Variants in CLYBL observed in about 807,000 individuals in gnomAD.
CLYBL encodes the protein citramalyl-CoA lyase, also known as citramalyl-CoA lyase, mitochondrial.
CLYBL carries 31 observed loss-of-function variants against 38.9 expected under a neutral mutation model. The ratio of observed to expected loss-of-function variants is 0.80; its 90% CI spans 0.60 to 1.08. The LOEUF (loss-of-function observed/expected upper bound fraction) is 1.08, where lower values mean the gene tolerates loss of function less well. CLYBL is among the 50% of genes least tolerant of loss of function. The pLI is 0.00. For synonymous variants in CLYBL, 171 were observed against 158.6 expected, an observed-to-expected ratio of 1.08 and a Z score of -0.59; for missense variants, 434 against 411.6, an observed-to-expected ratio of 1.05 and a Z score of -0.47.
chr13:99,750,901 T>C (rs2048944431), intron 1 of CLYBL, among the ~76,000 whole-genome samples: 1 of 152,168 alleles, frequency 6.6e-6, no homozygotes, highest in Middle Eastern at 3.2e-3. Flanking sequence ...ATTTTAAAAA[T>C]ATTTGAATGG....
At chr13:99,722,193 G>A (rs1301123739) in intron 1 of CLYBL, among the ~76,000 whole-genome samples, 1 of 152,132 alleles carries the variant, frequency 6.6e-6, no homozygotes, top group Admixed American at 6.6e-5. Context: ...TTCTTAAGGG[G>A]TCTGGTTTGG....
rs2052441005 is a variant in CLYBL, at chr13:99,889,765, T to C, written c.928-1553T>C. ...TTTTTCTTTACCTCCATCCTATGTA[T>C]AACCGTAAGTTACTACCTCTCAGCC... is the stretch of plus-strand genomic sequence containing the variant. On this transcript the variant is annotated intron_variant, in intron 7 of 8. Coordinates refer to ENST00000339105, the MANE Select transcript of CLYBL (RefSeq NM_206808.5). Among the ~76,000 whole-genome samples, 3 of 152,224 alleles carry C rather than the reference T, an allele frequency of 2.0e-5. No individual in the cohort carries two copies. The South Asian group carries it at 6.2e-4, about 32-fold the overall frequency.
chr13:99,752,549 ACAGCC>A (rs1485923428), intron 1 of CLYBL, among the ~76,000 whole-genome samples: 1 of 152,046 alleles, frequency 6.6e-6, no homozygotes, highest in Non-Finnish European at 1.5e-5. Flanking sequence ...TCCTAAGAAC[ACAGCC>A]CAGCCCAGGC....
intron 7 of CLYBL, among the ~76,000 whole-genome samples, chr13:99,875,705 G>C (rs2052020527): frequency 6.6e-6 from 1 of 152,120 alleles, no homozygotes; most frequent in Non-Finnish European, 1.5e-5. Context: ...TCCACTATTA[G>C]ACAACAGTGT....
At chr13:99,805,302 G>A (rs537141752) in intron 2 of CLYBL, among the ~76,000 whole-genome samples, 4 of 152,064 alleles carry the variant, frequency 2.6e-5, no homozygotes, top group Non-Finnish European at 5.9e-5. Context: ...TGGATCATCC[G>A]GTAGTTCTTT....
At chr13:99,873,930 A>G (rs568364702) in intron 7 of CLYBL, among the ~76,000 whole-genome samples, 1 of 152,306 alleles carries the variant, frequency 6.6e-6, no homozygotes, top group East Asian at 1.9e-4. Flanking sequence ...TGTCCTTGGT[A>G]TAATGTTGGT....
At chr13:99,730,900 T>C (rs1205997306) in intron 1 of CLYBL, among the ~76,000 whole-genome samples, 1 of 151,670 alleles carries the variant, frequency 6.6e-6, no homozygotes, top group African/African-American at 2.4e-5. Context: ...CTGGACAACA[T>C]GGTGAAACCC....
chr13:99,887,125 C>T (rs190761422), intron 7 of CLYBL, among the ~76,000 whole-genome samples: 4 of 152,318 alleles, frequency 2.6e-5, no homozygotes, highest in East Asian at 1.9e-4. Flanking sequence ...AGCTAAAACA[C>T]GGAAGTTCTC....
intron 1 of CLYBL, among the ~76,000 whole-genome samples, chr13:99,663,724 C>G (rs2047441378): frequency 6.6e-6 from 1 of 152,160 alleles, no homozygotes; most frequent in Non-Finnish European, 1.5e-5. Flanking sequence ...TGTGCGGAAG[C>G]CAGCTGGCAT....
chr13:99,897,413 T>C (rs1258838648), downstream of CLYBL, among the ~76,000 whole-genome samples: 1 of 152,188 alleles, frequency 6.6e-6, no homozygotes, highest in African/African-American at 2.4e-5. Flanking sequence ...TTTTCTCCCA[T>C]ACAAGCTCTT....
intron 1 of CLYBL, among the ~76,000 whole-genome samples, chr13:99,691,600 A>T (rs1017547277): frequency 6.9e-6 from 1 of 144,526 alleles, no homozygotes; most frequent in Admixed American, 6.9e-5. Flanking sequence ...AAAAAAACCA[A>T]AAAACAAAAA....
Position 99,865,004 on chromosome 13 carries a change from C to A in CLYBL, c.634+93C>A. 2 of 869,758 alleles carry A rather than the reference C, an allele frequency of 2.3e-6. No homozygotes were observed. Among genetic ancestry groups the A allele is most frequent in the South Asian group, 1.3e-5 (1 of 74,758 alleles). 53.9% of individuals were successfully genotyped at this position (869,758 alleles called of 1,614,324 possible). A position where few individuals can be genotyped will look rare whatever the true frequency, so the allele number is the denominator to read the frequency against. On this transcript the variant is annotated intron_variant, in intron 5 of 8. Transcript: ENST00000339105. This position sits in a 1 kb window ranked among gnomAD's most constrained non-coding sequence, Gnocchi z 4.7. ...TTTGCCCCTCAAGGATGGACATTTA[C>A]ATAACAATGTATATTTGCCAACCAT...
chr13:99,772,854 A>G lies in CLYBL; in HGVS notation c.93A>G (p.Arg31=). 1 of 1,609,268 alleles carries G rather than the reference A, an allele frequency of 6.2e-7. No individual in the cohort carries two copies. The highest frequency in any genetic ancestry group is 8.5e-7 in the Non-Finnish European group (1 of 1,179,040). The change falls in exon 2 of 9, where the codon AGA becomes AGG. Residue 31 remains arginine (R), a synonymous_variant. Coordinates refer to ENST00000339105, the MANE Select transcript of CLYBL (RefSeq NM_206808.5). ...LKASLAADIP[R]LGYSSSSHHK... ...CGTCTCTAGCAGCTGATATCCCCAGACTTGGATATAGTTCCTCATCCCATC... is the reference window on the plus strand; with the variant it reads ...CGTCTCTAGCAGCTGATATCCCCAGGCTTGGATATAGTTCCTCATCCCATC...
Position 99,620,403 on chromosome 13 carries a change from A to G in CLYBL, c.62+13646A>G, listed in dbSNP as rs1187358113. ...TCTAGGGCCCATCAGCCAGCAGTCC[A>G]GCAGGGATGACCAGTGAGCCCAAGA... On this transcript the variant is annotated intron_variant, in intron 1 of 8. Coordinates refer to ENST00000339105, the MANE Select transcript of CLYBL (RefSeq NM_206808.5). Among the ~76,000 whole-genome samples, 3 of 152,294 alleles carry G rather than the reference A, an allele frequency of 2.0e-5. No homozygotes were observed. In the East Asian group the frequency reaches 5.8e-4, roughly 29 times the overall value.
At chr13:99,824,257 G>GCCCCCCCCCCCC (rs57450534) in intron 2 of CLYBL, among the ~76,000 whole-genome samples, 162 of 130,460 alleles carry the variant, frequency 1.2e-3, no homozygotes, top group Non-Finnish European at 1.6e-3. Flanking sequence ...CTGACTAATA[G>GCCCCCCCCCCCC]CCCCCCCCAC....
intron 1 of CLYBL, among the ~76,000 whole-genome samples, chr13:99,673,932 GT>G (rs1268057811): frequency 6.6e-6 from 1 of 152,046 alleles, no homozygotes; most frequent in East Asian, 1.9e-4. Flanking sequence ...TGGGTTGAGT[GT>G]TTCTCAGTTG....
intron 1 of CLYBL, among the ~76,000 whole-genome samples, chr13:99,651,480 G>C (rs1455951474): frequency 6.6e-6 from 1 of 152,178 alleles, no homozygotes; most frequent in Non-Finnish European, 1.5e-5. Flanking sequence ...TGAGGTGGGA[G>C]AATCGCTTGA....
chr13:99,702,936 A>G (rs1223038514), intron 1 of CLYBL, among the ~76,000 whole-genome samples: 1 of 152,220 alleles, frequency 6.6e-6, no homozygotes, highest in Non-Finnish European at 1.5e-5. Flanking sequence ...AGTGGGTGAG[A>G]GGAATACTTT....
chr13:99,775,914 A>T (rs543824254), intron 2 of CLYBL, among the ~76,000 whole-genome samples: 1 of 152,240 alleles, frequency 6.6e-6, no homozygotes, highest in African/African-American at 2.4e-5. Context: ...CTGTAATCCC[A>T]GCACTTTGGG....
Sources: allele counts gnomAD v4.1 joint callset (sites outside exome capture counted in the v4.1 genomes callset), GRCh38; gene constraint gnomAD v4.1.1; non-coding constraint Gnocchi (gnomAD v3.1); transcripts MANE v1.5; gene names NCBI Gene and HGNC (gene_info 2026-07-23, HGNC 2026-07-21).